The following BEND7 variants were observed in gnomAD, a reference collection of about 807,000 sequenced individuals.
BEND7 encodes the protein BEN domain-containing protein 7.
BEND7 carries 28 observed loss-of-function variants against 50.9 expected under a neutral mutation model. The ratio of observed to expected loss-of-function variants is 0.55; its 90% CI spans 0.41 to 0.75. The LOEUF (loss-of-function observed/expected upper bound fraction) is 0.75. Among genes scored for constraint, BEND7 ranks in the 30% least tolerant of loss-of-function variants. The probability of loss-of-function intolerance (pLI) is 0.00; values close to 1 mark genes in which losing one functional copy is unlikely to be tolerated. For synonymous variants in BEND7, 170 were observed against 183.9 expected (o/e 0.92, Z 0.61); for missense variants, 477 against 491.3 (o/e 0.97, Z 0.28).
chr10:13,481,897 T>C (rs1037785190), intron 5 of BEND7, among the ~76,000 whole-genome samples: 1 of 152,234 alleles, frequency 6.6e-6, no homozygotes, highest in African/African-American at 2.4e-5. Context: ...TTGGACGCTA[T>C]CGCACACGCT....
At chr10:13,502,811 G>T (rs2077575943) in intron 2 of BEND7, 3 of 771,226 alleles carry the variant, frequency 3.9e-6, no homozygotes, top group South Asian at 5.9e-5. Flanking sequence ...CTGACCCCAG[G>T]CTCCCTGAAC....
intron 6 of BEND7, among the ~76,000 whole-genome samples, chr10:13,469,212 T>C (rs976926218): frequency 6.6e-6 from 1 of 152,030 alleles, no homozygotes; most frequent in South Asian, 2.1e-4. Flanking sequence ...TTCTGAGAAA[T>C]ACTATGAGCT....
chr10:13,489,184 G>C (rs764098793), intron 5 of BEND7, among the ~76,000 whole-genome samples: 6 of 152,158 alleles, frequency 3.9e-5, no homozygotes, highest in Non-Finnish European at 5.9e-5. Flanking sequence ...GAAATGGAGT[G>C]GGGAGGGGTC....
chr10:13,477,320 G>A (rs2075525361), intron 6 of BEND7, among the ~76,000 whole-genome samples: 1 of 152,154 alleles, frequency 6.6e-6, no homozygotes, highest in African/African-American at 2.4e-5. Flanking sequence ...AAGAGATCAA[G>A]TAAGAAAGAC....
At chr10:13,498,894 TG>T (rs1219624912) in intron 3 of BEND7, among the ~76,000 whole-genome samples, 1 of 152,234 alleles carries the variant, frequency 6.6e-6, no homozygotes, top group Non-Finnish European at 1.5e-5. Flanking sequence ...TGGCTTTTCA[TG>T]CCTCTGAACC....
At chr10:13,509,985 A>G (rs2078165028) in intron 2 of BEND7, among the ~76,000 whole-genome samples, 1 of 152,244 alleles carries the variant, frequency 6.6e-6, no homozygotes, top group Non-Finnish European at 1.5e-5. Context: ...TATAATCAAT[A>G]TAGCATGGCT....
intron 6 of BEND7, among the ~76,000 whole-genome samples, chr10:13,453,286 C>T (rs901718871): frequency 4.2e-4 from 64 of 152,182 alleles, no homozygotes; most frequent in Non-Finnish European, 1.9e-4. Flanking sequence ...GGGCTATGCA[C>T]AGTGTGTGGC....
At position 13,452,552 on chromosome 10, in the gene BEND7, T is replaced by A; in HGVS notation, c.1170A>T (p.Leu390Phe). ...CCTTAGTCATACCTGAGCCTCTTTT[T>A]AACCTTCTTCTGGCCAGTTTAATTT... ...QDQIKLARRR[L>F]KRGSEIADSD... The change falls in exon 7 of 9, where the codon TTA (leucine) becomes TTT (phenylalanine). Residue 390 changes from leucine (L) to phenylalanine (F), a missense_variant. By Grantham distance (22) the Leu-to-Phe change is conservative. Coordinates refer to ENST00000466271, the MANE Select transcript of BEND7 (RefSeq NM_001369863.1). 3.7e-6 allele frequency: 6 copies of A among 1,609,576 alleles called. No homozygotes were observed. The highest frequency in any genetic ancestry group is 5.1e-6 in the Non-Finnish European group (6 of 1,178,794).
intron 2 of BEND7, among the ~76,000 whole-genome samples, chr10:13,522,552 C>T (rs2079151910): frequency 6.6e-6 from 1 of 152,342 alleles, no homozygotes; most frequent in East Asian, 1.9e-4. Flanking sequence ...ATAAGTGCAA[C>T]ACTCATGGTC....
intron 5 of BEND7, among the ~76,000 whole-genome samples, chr10:13,487,504 A>C (rs2131880045): frequency 6.7e-6 from 1 of 150,044 alleles, no homozygotes; most frequent in Admixed American, 6.7e-5. Flanking sequence ...CTCCTGTCTC[A>C]GCCTCCTGAG....
chr10:13,493,093 C>T (rs2076785438), intron 4 of BEND7, among the ~76,000 whole-genome samples: 1 of 152,196 alleles, frequency 6.6e-6, no homozygotes, highest in South Asian at 2.1e-4. Context: ...CAGGAGAAAG[C>T]GTTACTGCAG....
intron 2 of BEND7, among the ~76,000 whole-genome samples, chr10:13,512,991 A>G (rs776799346): frequency 4.6e-5 from 7 of 152,212 alleles, no homozygotes; most frequent in Non-Finnish European, 5.9e-5. Flanking sequence ...ACAGCAAAAA[A>G]TACATTTTTC....
intron 7 of BEND7, among the ~76,000 whole-genome samples, chr10:13,449,281 C>T (rs928798659): frequency 6.6e-6 from 1 of 152,216 alleles, no homozygotes; most frequent in East Asian, 1.9e-4. Context: ...CATGGTAGTT[C>T]TCTCACTGCC....
chr10:13,451,520 A>AACC (rs1281717277), intron 7 of BEND7, among the ~76,000 whole-genome samples: 2 of 151,900 alleles, frequency 1.3e-5, no homozygotes, highest in East Asian at 3.9e-4. Context: ...ATTTTTGAGG[A>AACC]ACCTCCATAC....
chr10:13,484,288 G>C (rs904653498), intron 5 of BEND7, among the ~76,000 whole-genome samples: 2 of 152,206 alleles, frequency 1.3e-5, no homozygotes. Flanking sequence ...CGCCTTAAAA[G>C]AACAAAAGAG....
At chr10:13,446,061 T>A (rs1588615607) in intron 8 of BEND7, 2 of 152,252 alleles carry the variant, frequency 1.3e-5, no homozygotes, top group Non-Finnish European at 2.9e-5. Context: ...ATTCTCTTAA[T>A]TCACAAATGT....
chr10:13,516,387 C>G (rs1394195184), intron 2 of BEND7, among the ~76,000 whole-genome samples: 1 of 152,142 alleles, frequency 6.6e-6, no homozygotes, highest in African/African-American at 2.4e-5. Context: ...GGAGTGCATC[C>G]TATTTCAGAG....
intron 6 of BEND7, among the ~76,000 whole-genome samples, chr10:13,463,478 T>C (rs2073923076): frequency 6.6e-6 from 1 of 152,238 alleles, no homozygotes; most frequent in Admixed American, 6.5e-5. Context: ...GCTCAGACTA[T>C]GGCAGAGATA....
At position 13,474,620 on chromosome 10, in the gene BEND7, C is replaced by T. The variant is rs570054940; in HGVS notation, c.1063+6279G>A. Among the ~76,000 whole-genome samples the T allele has an allele frequency of 3.1e-4, 47 of 151,778 alleles. 2 individuals are homozygous for T. Among genetic ancestry groups the T allele is most frequent in the African/African-American group, 1.1e-3 (46 of 41,412 alleles). The stretch of plus-strand genomic sequence containing the variant: ...CCGCTGTTGGACTCGGGTCGATACC[C>T]GTCATCGCTGTTGGACTCGGGTCGA... On this transcript the variant is annotated intron_variant, in intron 6 of 8. Transcript: ENST00000466271.
Sources: gnomAD v4.1 joint callset for allele counts (sites outside exome capture counted in the v4.1 genomes callset) on GRCh38, gnomAD v4.1.1 for gene constraint, MANE v1.5 for transcripts, NCBI Gene and HGNC (gene_info 2026-07-23, HGNC 2026-07-21) for gene names.